JAKMIP3: variants seen among roughly 807,000 people sequenced by gnomAD.
JAKMIP3 encodes janus kinase and microtubule-interacting protein 3.
Under a neutral mutation model 118.5 loss-of-function variants are expected in JAKMIP3, and 58 were observed. The ratio of observed to expected loss-of-function variants is 0.49; its 90% confidence interval spans 0.40 to 0.61. The LOEUF (loss-of-function observed/expected upper bound fraction) is 0.61. JAKMIP3 is among the 20% of genes least tolerant of loss of function. The pLI is 0.00. For synonymous variants in JAKMIP3, 486 were observed against 451.2 expected, an observed-to-expected ratio of 1.08 and a Z score of -0.98; for missense variants, 950 against 1,109.0, an observed-to-expected ratio of 0.86 and a Z score of 2.04.
At chr10:132,105,618 C>T (rs994880567) in intron 2 of JAKMIP3, among the ~76,000 whole-genome samples, 4 of 152,214 alleles carry the variant, frequency 2.6e-5, no homozygotes, top group Non-Finnish European at 5.9e-5. Context: ...ACGCCTGAAC[C>T]TCTTTCCACC....
intron 1 of JAKMIP3, among the ~76,000 whole-genome samples, chr10:132,043,658 G>A (rs967461433): frequency 1.3e-5 from 2 of 152,170 alleles, no homozygotes; most frequent in African/African-American, 2.4e-5. Flanking sequence ...CCAGGAGCCC[G>A]TGGACACAGG....
intron 1 of JAKMIP3, among the ~76,000 whole-genome samples, chr10:132,078,343 CA>C (rs931711644): frequency 9.3e-6 from 1 of 107,072 alleles, no homozygotes. Flanking sequence ...TTTGCTGGGA[CA>C]TTTTTTTTTC....
intron 2 of JAKMIP3, among the ~76,000 whole-genome samples, chr10:132,109,359 A>C (rs1464477113): frequency 6.6e-6 from 1 of 152,200 alleles, no homozygotes; most frequent in East Asian, 1.9e-4. Context: ...TTGTGTGCAC[A>C]CAGAAAAGAA....
intron 1 of JAKMIP3, among the ~76,000 whole-genome samples, chr10:132,104,342 T>C (rs34340743): frequency 0.23 from 35,050 of 152,006 alleles, 4,678 homozygotes; most frequent in African/African-American, 0.38. Context: ...CTCACAGCCA[T>C]GTACAGAATT....
intron 19 of JAKMIP3, among the ~76,000 whole-genome samples, chr10:132,159,726 G>C (rs1416250677): frequency 7.1e-4 from 46 of 64,600 alleles, no homozygotes; most frequent in East Asian, 1.0e-3. Context: ...CTGGGGGCAT[G>C]TCTTCCTGTG....
chr10:132,180,746 C>CGTGTGTGT (rs1386218178), intron 23 of JAKMIP3, among the ~76,000 whole-genome samples: 1,065 of 10,728 alleles, frequency 0.099, 398 homozygotes, highest in African/African-American at 0.28. Context: ...TGCGTGCGTG[C>CGTGTGTGT]GCGCGCGTGT....
intron 1 of JAKMIP3, among the ~76,000 whole-genome samples, chr10:132,078,738 T>A (rs2041273618): frequency 6.6e-6 from 1 of 152,190 alleles, no homozygotes; most frequent in Non-Finnish European, 1.5e-5. Flanking sequence ...ACTAGAGAAT[T>A]GTTTTTCTGT....
rs114349082 is a variant in JAKMIP3 at position 132,099,232 on chromosome 10, G to A, written c.-137-5440G>A. The stretch of plus-strand genomic sequence containing the variant: ...AAGCTCTAAGGGGGCCAGCCTCCTC[G>A]TCAGCGACACTGAGGTTCACTGTGG... On this transcript the variant is annotated intron_variant, in intron 1 of 23. Coordinates refer to ENST00000684848, the MANE Select transcript of JAKMIP3 (RefSeq NM_001323087.2). Among the ~76,000 whole-genome samples, 1,486 of 152,142 alleles carry A rather than the reference G, an allele frequency of 9.8e-3. 26 individuals are homozygous for A. The highest frequency in any genetic ancestry group is 0.033 in the African/African-American group (1,361 of 41,476).
intron 16 of JAKMIP3, among the ~76,000 whole-genome samples, 197 bp from the exon 17 acceptor site, chr10:132,152,761 C>T (rs1359429207): frequency 6.6e-6 from 1 of 152,130 alleles, no homozygotes; most frequent in Non-Finnish European, 1.5e-5. Flanking sequence ...ATCGGCAGCA[C>T]CCGGAGGGAA....
chr10:132,157,952 A>G (rs901729839), intron 19 of JAKMIP3, among the ~76,000 whole-genome samples: 3 of 151,478 alleles, frequency 2.0e-5, no homozygotes, highest in African/African-American at 7.3e-5. Flanking sequence ...TTCGTACAGA[A>G]AAAAAAAAGA....
At chr10:132,157,311 C>T (rs964219909) in intron 19 of JAKMIP3, among the ~76,000 whole-genome samples, 2 of 152,136 alleles carry the variant, frequency 1.3e-5, no homozygotes, top group African/African-American at 4.8e-5. Flanking sequence ...TTTCACCTGA[C>T]TGTGCACAGC....
intron 1 of JAKMIP3, among the ~76,000 whole-genome samples, chr10:132,092,447 T>C (rs1027440074): frequency 7.2e-5 from 11 of 152,254 alleles, no homozygotes; most frequent in Non-Finnish European, 1.3e-4. Flanking sequence ...CCCATATTTC[T>C]TGGAGGCTTC....
chr10:132,113,406 G>GA (rs1374710768), intron 2 of JAKMIP3, among the ~76,000 whole-genome samples: 1 of 152,230 alleles, frequency 6.6e-6, no homozygotes, highest in Non-Finnish European at 1.5e-5. Context: ...TCCACTGTTA[G>GA]AAAAAGCGGA....
At chr10:132,152,190 C>G (rs2056340750) in intron 16 of JAKMIP3, among the ~76,000 whole-genome samples, 1 of 150,706 alleles carries the variant, frequency 6.6e-6, no homozygotes, top group South Asian at 2.1e-4. Flanking sequence ...GAGCCTGACT[C>G]CCCCCTGTGG....
rs1269863836 is a variant in JAKMIP3 at position 132,137,047 on chromosome 10, C to T, written c.1145C>T (p.Pro382Leu). ...CAGAGAGCTGGAATCATACGGAGACCCAGTTCCTTGAATGACCTTGATCAA... is the reference window on the plus strand; with the variant it reads ...CAGAGAGCTGGAATCATACGGAGACTCAGTTCCTTGAATGACCTTGATCAA... ...MRQRAGIIRR[P>L]SSLNDLDQSQ... Residue 382 changes from proline (P) to leucine (L), a missense_variant, in exon 7 of 24, where the codon CCC (proline) becomes CTC (leucine). By Grantham distance (98) the Pro-to-Leu change is moderately conservative. Coordinates refer to ENST00000684848, the MANE Select transcript of JAKMIP3 (RefSeq NM_001323087.2). 2 of 1,613,878 alleles carry T rather than the reference C, an allele frequency of 1.2e-6. No homozygotes were observed. Among genetic ancestry groups the T allele is most frequent in the Non-Finnish European group, 1.7e-6 (2 of 1,179,844 alleles).
chr10:132,155,341 A>G (rs2056965320), intron 19 of JAKMIP3, among the ~76,000 whole-genome samples: 1 of 152,184 alleles, frequency 6.6e-6, no homozygotes, highest in African/African-American at 2.4e-5. Context: ...GAAGCTGGTG[A>G]CCTGCCCAAG....
chr10:132,106,187 C>T (rs1564904489), intron 2 of JAKMIP3, among the ~76,000 whole-genome samples: 1 of 151,752 alleles, frequency 6.6e-6, no homozygotes, highest in Non-Finnish European at 1.5e-5. Flanking sequence ...AAAATGGACA[C>T]ATTACGCAGG....
chr10:132,180,566 T>TGCGC (rs1359194010), intron 23 of JAKMIP3, among the ~76,000 whole-genome samples: 4 of 31,712 alleles, frequency 1.3e-4, no homozygotes, highest in South Asian at 1.2e-3. Context: ...TGCGTGTGTG[T>TGCGC]GCGTGTGTGT....
chr10:132,047,165 C>T lies in JAKMIP3; in HGVS notation c.-138+10427C>T, dbSNP rs748458531. Among the ~76,000 whole-genome samples, 120 of 152,320 alleles carry T rather than the reference C, an allele frequency of 7.9e-4. 1 individual carries two copies. In the Middle Eastern group the frequency reaches 0.031, roughly 39 times the overall value. On this transcript the variant is annotated intron_variant, in intron 1 of 23. Transcript: ENST00000657785. ...CTGGGGTTATAGCCATGAGCCACTG[C>T]ACCCAGCCACAAGCAGGTTTTTTAA...
Sources: allele counts gnomAD v4.1 joint callset (sites outside exome capture counted in the v4.1 genomes callset), GRCh38; gene constraint gnomAD v4.1.1; transcripts MANE v1.5; gene names NCBI Gene and HGNC (gene_info 2026-07-23, HGNC 2026-07-21).